EGF: variants seen among roughly 807,000 people sequenced by gnomAD.
The protein encoded by EGF is epidermal growth factor, also known as pro-epidermal growth factor.
EGF carries 95 observed loss-of-function variants against 143.8 expected under a neutral mutation model. That is an observed-to-expected ratio of 0.66 (90% CI 0.56 to 0.78). EGF has a LOEUF of 0.78. EGF is among the 30% of genes least tolerant of loss of function. The pLI is 0.00. For missense variants in EGF, 1,320 were observed against 1,470.9 expected (o/e 0.90, Z 1.68); for synonymous variants, 510 against 510.5 (o/e 1.00, Z 0.01).
At chr4:109,949,923 T>G (rs549666199) in intron 5 of EGF, among the ~76,000 whole-genome samples, 22 of 152,300 alleles carry the variant, frequency 1.4e-4, no homozygotes, top group Admixed American at 5.2e-4. Flanking sequence ...GCTGCAGATA[T>G]GTCTGCATGC....
chr4:109,982,554 T>C (rs1371668265), intron 15 of EGF, among the ~76,000 whole-genome samples: 3 of 150,278 alleles, frequency 2.0e-5, no homozygotes, highest in Non-Finnish European at 3.0e-5. Context: ...TCTCAAACTC[T>C]TGGCCTCATG....
chr4:109,984,989 A>G (rs1414107994), intron 16 of EGF, among the ~76,000 whole-genome samples: 1 of 152,222 alleles, frequency 6.6e-6, no homozygotes, highest in East Asian at 1.9e-4. Context: ...ATGAAAGAAT[A>G]AAATACTTTA....
intron 10 of EGF, among the ~76,000 whole-genome samples, chr4:109,966,684 C>T (rs1390677121): frequency 7.9e-5 from 12 of 151,898 alleles, no homozygotes; most frequent in Admixed American, 4.6e-4. Context: ...TTTTTTTCTT[C>T]ACATCCATGC....
rs778566062 is a variant in EGF at position 110,011,354 on chromosome 4, C to T, written c.3523C>T (p.Leu1175Phe). 1 of 1,614,130 alleles carries T rather than the reference C, an allele frequency of 6.2e-7. No homozygotes were observed. Among genetic ancestry groups the T allele is most frequent in the Admixed American group, 1.7e-5 (1 of 60,016 alleles). The change falls in exon 24 of 24, where the codon CTT becomes TTT. Residue 1175 changes from leucine to phenylalanine, a missense_variant. Leu to Phe is a conservative substitution (Grantham distance 22, BLOSUM62 0). Around this residue, in one of 5 missense-constraint regions of EGF, gnomAD observed 1,186 missense variants for 1,313.7 expected, o/e 0.90. Transcript: ENST00000265171. The stretch of plus-strand genomic sequence containing the variant: ...TATGCCCTCCTATGGGACACAGACC[C>T]TTGAAGGGGGTGTCGAGAAGCCCCA... ...FHMPSYGTQT[L>F]EGGVEKPHSL...
intron 10 of EGF, among the ~76,000 whole-genome samples, chr4:109,965,747 C>G (rs538728004): frequency 6.6e-6 from 1 of 152,188 alleles, no homozygotes; most frequent in South Asian, 2.1e-4. Flanking sequence ...CCTCCAGGTT[C>G]CACCCCTGAC....
intron 7 of EGF, among the ~76,000 whole-genome samples, chr4:109,961,205 A>C (rs1745635423): frequency 6.6e-6 from 1 of 151,930 alleles, no homozygotes; most frequent in African/African-American, 2.4e-5. Context: ...AAAAAAAAAA[A>C]CTTAGCCAGG....
chr4:109,965,490 C>T (rs1355610941), intron 10 of EGF, among the ~76,000 whole-genome samples: 1 of 152,016 alleles, frequency 6.6e-6, no homozygotes, highest in Admixed American at 6.6e-5. Flanking sequence ...TTCCATAGAA[C>T]AGTTACAATA....
In EGF at chr4:109,913,239, G is replaced by C; in HGVS notation, c.-97G>C. Reference sequence around the variant, plus strand: ...GCCCCAGGGCTGAGGCCTCCGCTCAGGCAGCCGCATCTGGGGTCAATCATA... The same window carrying C: ...GCCCCAGGGCTGAGGCCTCCGCTCACGCAGCCGCATCTGGGGTCAATCATA... On this transcript the variant is annotated 5_prime_UTR_variant, in exon 1 of 24. Coordinates refer to ENST00000265171, the MANE Select transcript of EGF (RefSeq NM_001963.6). 6.5e-7 allele frequency: 1 copy of C among 1,528,264 alleles called. No individual in the cohort carries two copies. The highest frequency in any genetic ancestry group is 1.1e-5 in the South Asian group (1 of 88,714). The allele number at this position is 1,528,264 out of a possible 1,614,324, so 94.7% of individuals were successfully genotyped here.
chr4:109,982,328 T>A (rs1938460263), intron 15 of EGF, among the ~76,000 whole-genome samples: 1 of 150,368 alleles, frequency 6.7e-6, no homozygotes, highest in Admixed American at 6.6e-5. Context: ...TTCTTTTTCT[T>A]TTTCTTTTAA....
In EGF at chr4:109,965,299, G is replaced by A. The variant is rs530745315; in HGVS notation, c.1575+762G>A. Among the ~76,000 whole-genome samples, 12 of 151,998 alleles carry A rather than the reference G, an allele frequency of 7.9e-5. No individual in the cohort carries two copies. In the South Asian group the frequency reaches 2.5e-3, roughly 32 times the overall value. On this transcript the variant is annotated intron_variant, in intron 10 of 23. Transcript: ENST00000265171. ...TTAATTCCTAGACTTTCAAACTTTG[G>A]GCTTTTGTTTCTTCCTGATTTGAAG...
intron 5 of EGF, among the ~76,000 whole-genome samples, chr4:109,946,596 T>C (rs940153778): frequency 1.3e-5 from 2 of 152,338 alleles, no homozygotes; most frequent in Non-Finnish European, 2.9e-5. Context: ...GAGGTGTAAC[T>C]ACATACTCAT....
At position 109,941,088 on chromosome 4, in the gene EGF, G is replaced by C; in HGVS notation, c.270G>C (p.Trp90Cys). 6.2e-7 allele frequency: 1 copy of C among 1,613,874 alleles called. No homozygotes were observed. The highest frequency in any genetic ancestry group is 8.5e-7 in the Non-Finnish European group (1 of 1,179,938). The part of the protein sequence containing the change: ...DFHYNEKRIY[W>C]VDLERQLLQR... ...ATTATAATGAGAAAAGAATCTATTGGGTGGATTTAGAAAGACAACTTTTGC... is the reference window on the plus strand; with the variant it reads ...ATTATAATGAGAAAAGAATCTATTGCGTGGATTTAGAAAGACAACTTTTGC... The change falls in exon 2 of 24, where the codon TGG becomes TGC. Residue 90 changes from tryptophan (W) to cysteine (C), a missense_variant. Physicochemically the swap from Trp to Cys is radical, Grantham distance 215. This residue lies in a region of EGF where 41 missense variants were observed against 38.1 expected (regional missense o/e 1.07). Coordinates refer to ENST00000265171, the MANE Select transcript of EGF (RefSeq NM_001963.6).
chr4:109,997,793 G>A (rs1023582673), intron 20 of EGF, among the ~76,000 whole-genome samples: 4 of 152,108 alleles, frequency 2.6e-5, no homozygotes, highest in African/African-American at 7.2e-5. Flanking sequence ...AGCCCAGGAA[G>A]CTGAGATTGC....
intron 7 of EGF, among the ~76,000 whole-genome samples, chr4:109,961,620 T>A (rs1287205817): frequency 6.6e-6 from 1 of 152,204 alleles, no homozygotes; most frequent in Non-Finnish European, 1.5e-5. Flanking sequence ...TACATTATTG[T>A]ATCTAAAAAA....
rs181196907 is a variant in EGF at position 109,953,625 on chromosome 4, A to T, written c.941-5687A>T. ...ATTTTTAAAAATAATTGACATTTGT[A>T]TTCACTGTAATTATTACCATTTTGA... On this transcript the variant is annotated intron_variant, in intron 5 of 23. Coordinates refer to ENST00000265171, the MANE Select transcript of EGF (RefSeq NM_001963.6). 2.3e-3 allele frequency among the ~76,000 whole-genome samples: 353 copies of T among 152,326 alleles called. 1 individual carries two copies. Among genetic ancestry groups the T allele is most frequent in the South Asian group, 0.012 (56 of 4,830 alleles).
At chr4:110,001,329 C>T (rs1285792476) in intron 21 of EGF, among the ~76,000 whole-genome samples, 2 of 152,210 alleles carry the variant, frequency 1.3e-5, no homozygotes, top group African/African-American at 4.8e-5. Context: ...AACCTTCCCC[C>T]AAAAGAGTCA....
At chr4:109,941,591 A>G (rs1560660569) in intron 2 of EGF, among the ~76,000 whole-genome samples, 1 of 152,170 alleles carries the variant, frequency 6.6e-6, no homozygotes, top group Non-Finnish European at 1.5e-5. Context: ...TAGTGGGTAG[A>G]GGCCTGGGAT....
Position 109,980,147 on chromosome 4 carries a change from C to G in EGF, c.2221+8C>G. ...ATCCATTGGCAAAACCAGGTACATA[C>G]TGGAGATGTTACACAGTCTTTCCTT... On this transcript the variant is annotated splice_region_variant and intron_variant, in intron 14 of 23. Transcript: ENST00000265171. 1 of 1,596,982 alleles carries G rather than the reference C, an allele frequency of 6.3e-7. No homozygotes were observed. Among genetic ancestry groups the G allele is most frequent in the Non-Finnish European group, 8.5e-7 (1 of 1,170,922 alleles).
chr4:109,922,508 T>C (rs891191165), intron 1 of EGF, among the ~76,000 whole-genome samples: 3 of 151,730 alleles, frequency 2.0e-5, no homozygotes, highest in African/African-American at 7.3e-5. Context: ...ATGAAGTTAC[T>C]GGGTTTATTA....
Sources: gnomAD v4.1 joint callset for allele counts (sites outside exome capture counted in the v4.1 genomes callset) on GRCh38, gnomAD v4.1.1 for gene constraint, gnomAD v4.1.1 regional missense constraint, MANE v1.5 for transcripts, NCBI Gene and HGNC (gene_info 2026-07-23, HGNC 2026-07-21) for gene names.